CSPP1: variants seen among roughly 807,000 people sequenced by gnomAD.
CSPP1 encodes the protein centrosome and spindle pole-associated protein 1.
A neutral mutation model predicts 164.4 loss-of-function variants in CSPP1; 126 were observed. The ratio of observed to expected loss-of-function variants is 0.77; its 90% confidence interval spans 0.66 to 0.89. CSPP1 has a LOEUF of 0.89. Ranked by LOEUF, CSPP1 falls within the 40% of genes least tolerant of loss-of-function variation. CSPP1 has a pLI of 0.00. For missense variants in CSPP1, 1,395 were observed against 1,449.8 expected, an observed-to-expected ratio of 0.96 and a Z score of 0.61; for synonymous variants, 472 against 476.7, an observed-to-expected ratio of 0.99 and a Z score of 0.13.
chr8:67,139,645 A>G (rs112143132), intron 17 of CSPP1, among the ~76,000 whole-genome samples: 1 of 152,234 alleles, frequency 6.6e-6, no homozygotes, highest in African/African-American at 2.4e-5. Context: ...CATATACACC[A>G]TGGAATACTA....
chr8:67,195,195 C>A (rs2290586), intron 30 of CSPP1, among the ~76,000 whole-genome samples, 187 bp from the exon 31 acceptor site: 1 of 152,028 alleles, frequency 6.6e-6, no homozygotes, highest in Non-Finnish European at 1.5e-5. Flanking sequence ...TTTGTGGGCC[C>A]ACTCTCCTCC....
chr8:67,116,348 G>T (rs1327512975), intron 13 of CSPP1, among the ~76,000 whole-genome samples: 2 of 152,126 alleles, frequency 1.3e-5, no homozygotes, highest in Non-Finnish European at 2.9e-5. Context: ...TCTTTAGAAT[G>T]AATTACTAAG....
rs1230052342 is a variant in CSPP1 at position 67,177,707 on chromosome 8, A to T, written c.3137A>T (p.Lys1046Ile). 2.5e-6 allele frequency: 4 copies of T among 1,612,364 alleles called. No homozygotes were observed. In the African/African-American group the frequency reaches 5.3e-5, roughly 21 times the overall value. ...GACTTAGATGCCATCCCAAGTGCTA[A>T]AGTACGAGAGCAAAGAATGGTAAGC... ...KVDLDAIPSAKVREQRMPRDD... is the reference protein window; with the variant it reads ...KVDLDAIPSAIVREQRMPRDD... The change falls in exon 27 of 31, where the codon AAA becomes ATA. Residue 1046 changes from lysine to isoleucine, a missense_variant. Physicochemically the swap from Lys to Ile is moderately radical, Grantham distance 102. Transcript: ENST00000678616.
At chr8:67,176,222 T>C (rs962761477) in intron 26 of CSPP1, among the ~76,000 whole-genome samples, 1 of 152,022 alleles carries the variant, frequency 6.6e-6, no homozygotes, top group East Asian at 1.9e-4. Flanking sequence ...AGGTTAACCA[T>C]GGAAAATGAG....
Position 67,142,683 on chromosome 8 carries a change from A to G in CSPP1, c.1975+5080A>G, listed in dbSNP as rs1020941845. ...TTTTATTTCTTTTGGGTAAGTGCCT[A>G]GGAATAGAATTGCTGGGTTGAATAG... On this transcript the variant is annotated intron_variant, in intron 17 of 30. Transcript: ENST00000678616. Among the ~76,000 whole-genome samples the G allele has an allele frequency of 7.9e-5, 12 of 152,182 alleles. No homozygotes were observed. The East Asian group carries it at 2.3e-3, about 29-fold the overall frequency.
intron 9 of CSPP1, among the ~76,000 whole-genome samples, chr8:67,109,110 C>T (rs1478591193): frequency 6.6e-6 from 1 of 152,210 alleles, no homozygotes; most frequent in Non-Finnish European, 1.5e-5. Flanking sequence ...TGTTAATGGT[C>T]TCAAAAGGCT....
intron 9 of CSPP1, among the ~76,000 whole-genome samples, chr8:67,106,871 GT>G (rs1339309938): frequency 6.6e-6 from 1 of 152,066 alleles, no homozygotes; most frequent in Non-Finnish European, 1.5e-5. Context: ...ATATTGTCAG[GT>G]TTTTGTTCCC....
At chr8:67,148,283 A>T (rs532248508) in intron 17 of CSPP1, among the ~76,000 whole-genome samples, 125 of 152,248 alleles carry the variant, frequency 8.2e-4, no homozygotes, top group Middle Eastern at 6.8e-3. Context: ...CTACAGAACA[A>T]AATTGAGAGC....
chr8:67,127,443 C>T (rs1009389781), intron 15 of CSPP1, among the ~76,000 whole-genome samples: 4 of 152,098 alleles, frequency 2.6e-5, no homozygotes, highest in Admixed American at 6.5e-5. Flanking sequence ...TTCTTAAGTA[C>T]ATTTAATCTC....
chr8:67,132,027 C>A lies in CSPP1; in HGVS notation c.1774C>A (p.Pro592Thr). 3 of 1,613,644 alleles carry A rather than the reference C, an allele frequency of 1.9e-6. No individual in the cohort carries two copies. The highest frequency in any genetic ancestry group is 2.5e-6 in the Non-Finnish European group (3 of 1,179,776). ...INSGLIFEDKPKPSKQSLQSY... is the reference protein window; with the variant it reads ...INSGLIFEDKTKPSKQSLQSY... ...TTCAGGATTGATTTTTGAAGATAAA[C>A]CGAAACCTTCCAAACAGTCACTTCA... is the stretch of plus-strand genomic sequence containing the variant. Residue 592 changes from proline (P) to threonine (T), a missense_variant, in exon 16 of 31, where the codon CCG becomes ACG. By Grantham distance (38) the Pro-to-Thr change is conservative. Coordinates refer to ENST00000678616, the MANE Select transcript of CSPP1 (RefSeq NM_001382391.1).
intron 8 of CSPP1, among the ~76,000 whole-genome samples, chr8:67,104,966 A>ATATATATAT (rs1247108884): frequency 4.9e-5 from 3 of 60,746 alleles, no homozygotes; most frequent in African/African-American, 2.1e-4. Flanking sequence ...ATATATATAT[A>ATATATATAT]TTTTTTTTTT....
intron 8 of CSPP1, 51 bp from the exon 9 acceptor site, chr8:67,105,853 GA>G: frequency 9.3e-7 from 1 of 1,074,846 alleles, no homozygotes. Context: ...TTTGCTTCCT[GA>G]AAATTATCTG....
intron 18 of CSPP1, among the ~76,000 whole-genome samples, chr8:67,152,324 T>A (rs1244709970): frequency 6.6e-6 from 1 of 152,154 alleles, no homozygotes; most frequent in Non-Finnish European, 1.5e-5. Flanking sequence ...TGTTTAAGTT[T>A]CCTTATCCTC....
chr8:67,101,304 T>C (rs565347154), intron 7 of CSPP1, among the ~76,000 whole-genome samples: 32 of 152,338 alleles, frequency 2.1e-4, no homozygotes, highest in African/African-American at 7.5e-4. Context: ...CACAGTGAGC[T>C]GCTCTTATCA....
In CSPP1 at chr8:67,111,936, G is replaced by A. The variant is rs766712157; in HGVS notation, c.1094-36G>A. Reference sequence around the variant, plus strand: ...CTTTCTAATTGCATACGATGCTTAAGAGTTAAGATTGTATTTTTCTCATAC... The same window carrying A: ...CTTTCTAATTGCATACGATGCTTAAAAGTTAAGATTGTATTTTTCTCATAC... On this transcript the variant is annotated intron_variant, in intron 9 of 30. Coordinates refer to ENST00000678616, the MANE Select transcript of CSPP1 (RefSeq NM_001382391.1). 3 of 1,300,008 alleles carry A rather than the reference G, an allele frequency of 2.3e-6. No individual in the cohort carries two copies. The Admixed American group carries it at 5.7e-5, about 25-fold the overall frequency. 80.5% of individuals were successfully genotyped at this position (1,300,008 alleles called of 1,614,324 possible).
chr8:67,164,831 A>T (rs1829005252), intron 24 of CSPP1, among the ~76,000 whole-genome samples: 1 of 152,182 alleles, frequency 6.6e-6, no homozygotes, highest in Non-Finnish European at 1.5e-5. Flanking sequence ...ATTTCTGATC[A>T]TTTTTGCCAG....
At chr8:67,154,466 A>C (rs1247627144) in intron 19 of CSPP1, among the ~76,000 whole-genome samples, 2 of 152,080 alleles carry the variant, frequency 1.3e-5, no homozygotes, top group Non-Finnish European at 2.9e-5. Flanking sequence ...TCCTGGCTTT[A>C]AGTGATTCTC....
At chr8:67,186,977 CT>C (rs1450774443) in intron 28 of CSPP1, among the ~76,000 whole-genome samples, 1 of 133,540 alleles carries the variant, frequency 7.5e-6, no homozygotes, top group Non-Finnish European at 1.6e-5. Flanking sequence ...TATCATCTAT[CT>C]ATCTATCTAT....
chr8:67,104,032 C>G (rs1489085580), intron 8 of CSPP1, among the ~76,000 whole-genome samples: 9 of 151,960 alleles, frequency 5.9e-5, no homozygotes, highest in Non-Finnish European at 1.2e-4. Context: ...TTTCTACTTA[C>G]AGTTTTTTAT....
Sources: gnomAD v4.1 joint callset for allele counts (sites outside exome capture counted in the v4.1 genomes callset) on GRCh38, gnomAD v4.1.1 for gene constraint, MANE v1.5 for transcripts, NCBI Gene and HGNC (gene_info 2026-07-23, HGNC 2026-07-21) for gene names.